The following RYR1 variants were observed in gnomAD, a reference collection of about 807,000 sequenced individuals.
RYR1 encodes the protein ryanodine receptor 1.
Under a neutral mutation model 583.5 loss-of-function variants are expected in RYR1, and 342 were observed. The ratio of observed to expected loss-of-function variants is 0.59; its 90% confidence interval spans 0.54 to 0.64. The LOEUF (loss-of-function observed/expected upper bound fraction) is 0.64, where lower values mean the gene tolerates loss of function less well. Ranked by LOEUF, RYR1 falls within the 30% of genes least tolerant of loss-of-function variation. The pLI, the probability that RYR1 is intolerant of heterozygous loss-of-function variation, is 0.00. For synonymous variants in RYR1, 2,791 were observed against 2,822.5 expected, an observed-to-expected ratio of 0.99 and a Z score of 0.35; for missense variants, 6,032 against 6,917.2, an observed-to-expected ratio of 0.87 and a Z score of 4.54.
intron 42 of RYR1, 115 bp downstream of exon 42, chr19:38,497,069 A>G: frequency 1.2e-6 from 1 of 830,762 alleles, no homozygotes; most frequent in South Asian, 1.4e-5. Context: ...TGGATGGTCC[A>G]GTGCCCAACC....
In RYR1 at chr19:38,475,245, G is replaced by C. The variant is rs988110681; in HGVS notation, c.4161-73G>C. On this transcript the variant is annotated intron_variant, in intron 28 of 105. Coordinates refer to ENST00000359596, the MANE Select transcript of RYR1 (RefSeq NM_000540.3). Reference sequence around the variant, plus strand: ...GCAGGGTGTATCCAAGCTGGATGTGGGGGCATGAATATTGCGGTGGGAGGG... The same window carrying C: ...GCAGGGTGTATCCAAGCTGGATGTGCGGGCATGAATATTGCGGTGGGAGGG... The C allele has an allele frequency of 1.7e-5, 26 of 1,543,208 alleles. No homozygotes were observed. In the Admixed American group the frequency reaches 3.1e-4, roughly 19 times the overall value.
At chr19:38,521,603 G>A (rs554443039) in intron 67 of RYR1, among the ~76,000 whole-genome samples, 96 of 151,332 alleles carry the variant, frequency 6.3e-4, no homozygotes, top group African/African-American at 2.3e-3. Flanking sequence ...GGCTGAGGCA[G>A]GAGAATCACT....
At chr19:38,553,694 A>G (rs1972762988) in intron 89 of RYR1, among the ~76,000 whole-genome samples, 1 of 152,148 alleles carries the variant, frequency 6.6e-6, no homozygotes, top group Non-Finnish European at 1.5e-5. Flanking sequence ...GCGTGAAGTG[A>G]GAAGTCTTAC....
At chr19:38,511,539 C>T (rs376474052) in intron 60 of RYR1, 22 bp from the exon 61 acceptor site, 1 of 1,613,528 alleles carries the variant, frequency 6.2e-7, no homozygotes, top group Non-Finnish European at 8.5e-7. Flanking sequence ...CTCCTGCCTT[C>T]TGTCCCTTTC....
At chr19:38,564,892 T>A (rs1973317113) in intron 90 of RYR1, 67 bp from the exon 91 acceptor site, 3 of 1,535,280 alleles carry the variant, frequency 2.0e-6, no homozygotes, top group Non-Finnish European at 2.6e-6. Flanking sequence ...TAGCTGCCAC[T>A]GCGCTGTCGC....
chr19:38,468,579 A>G (rs1359601988), intron 25 of RYR1, among the ~76,000 whole-genome samples: 1 of 152,108 alleles, frequency 6.6e-6, no homozygotes, highest in Non-Finnish European at 1.5e-5. Flanking sequence ...TTAGCCACTC[A>G]TCTATTTTGT....
chr19:38,580,440 G>A lies in RYR1; in HGVS notation c.14582G>A (p.Arg4861His), dbSNP rs63749869. ...ACCGTGGTGGCCTTCAACTTCTTCC[G>A]CAAGTTCTACAACAAGAGCGAGGAT... ...LYTVVAFNFF[R>H]KFYNKSEDED... Residue 4861 changes from arginine to histidine, a missense_variant, in exon 101 of 106, where the codon CGC becomes CAC. Arg to His is a conservative substitution (Grantham distance 29, BLOSUM62 0). Transcript: ENST00000359596. 1 of 1,614,106 alleles carries A rather than the reference G, an allele frequency of 6.2e-7. No individual in the cohort carries two copies. The highest frequency in any genetic ancestry group is 8.5e-7 in the Non-Finnish European group (1 of 1,180,004).
chr19:38,461,728 A>AG (rs1967757187), intron 20 of RYR1, among the ~76,000 whole-genome samples: 1 of 144,648 alleles, frequency 6.9e-6, no homozygotes, highest in Non-Finnish European at 1.5e-5. Context: ...CCTGAAAAAA[A>AG]AAAAAAAAAA....
At chr19:38,479,197 C>G (rs1365199686) in intron 31 of RYR1, among the ~76,000 whole-genome samples, 1 of 152,150 alleles carries the variant, frequency 6.6e-6, no homozygotes, top group Non-Finnish European at 1.5e-5. Context: ...TTTTCCTTTT[C>G]AACATTTTAT....
chr19:38,511,525 G>C (rs867876177), intron 60 of RYR1, 36 bp from the exon 61 acceptor site: 1 of 1,612,484 alleles, frequency 6.2e-7, no homozygotes, highest in South Asian at 1.1e-5. Context: ...CTCACTCGCT[G>C]TTTCTCCTGC....
rs771626182 is a variant in RYR1 at position 38,502,994 on chromosome 19, T to A, written c.7926+24T>A. 7 of 1,604,302 alleles carry A rather than the reference T, an allele frequency of 4.4e-6. No individual in the cohort carries two copies. In the South Asian group the frequency reaches 6.6e-5, roughly 15 times the overall value. ...AGGTGAGGGCAAGCGCTCTTTAGCA[T>A]CTCATTTCCAGGCCGCACCCACTGG... On this transcript the variant is annotated intron_variant, in intron 49 of 105. Transcript: ENST00000359596.
At position 38,458,017 on chromosome 19, in the gene RYR1, G is replaced by C. The variant is rs200361717; in HGVS notation, c.1926-34G>C. On this transcript the variant is annotated intron_variant, in intron 17 of 105. Coordinates refer to ENST00000359596, the MANE Select transcript of RYR1 (RefSeq NM_000540.3). ...ACTTGGCTCTCCTCTCTGCCTCTCC[G>C]TCATCCCCCTCTCCTGTCCCATCTC... is the stretch of plus-strand genomic sequence containing the variant. The C allele has an allele frequency of 4.3e-6, 7 of 1,610,108 alleles. No individual in the cohort carries two copies. In the East Asian group the frequency reaches 1.6e-4, roughly 36 times the overall value.
intron 88 of RYR1, among the ~76,000 whole-genome samples, chr19:38,547,289 G>C (rs758428235): frequency 3.3e-5 from 5 of 149,884 alleles, no homozygotes; most frequent in Non-Finnish European, 7.4e-5. Flanking sequence ...CTGACTTCGT[G>C]ATCCTCCCGC....
intron 20 of RYR1, among the ~76,000 whole-genome samples, chr19:38,461,046 A>T (rs1729338306): frequency 6.6e-6 from 1 of 152,100 alleles, no homozygotes; most frequent in African/African-American, 2.4e-5. Flanking sequence ...AATCCCAGCT[A>T]CTCGGGAGGC....
intron 19 of RYR1, among the ~76,000 whole-genome samples, chr19:38,459,936 T>C (rs1967635220): frequency 6.6e-6 from 1 of 152,150 alleles, no homozygotes; most frequent in South Asian, 2.1e-4. Flanking sequence ...TCCAGTCCTT[T>C]CCCAATCACC....
rs1292252892 is a variant in RYR1, at chr19:38,502,553, T to C, written c.7661T>C (p.Leu2554Pro). ...TEMALALNRY[L>P]CLAVLPLITK... ...ATGGCGCTGGCGCTGAACCGCTACC[T>C]GTGCCTGGCCGTGCTGCCGCTCATC... The change falls in exon 48 of 106, where the codon CTG (leucine) becomes CCG (proline). Residue 2554 changes from leucine (L) to proline (P), a missense_variant. Physicochemically the swap from Leu to Pro is moderately conservative, Grantham distance 98. This residue lies in a region of RYR1 where 250 missense variants were observed against 162.3 expected (regional missense o/e 1.54). Transcript: ENST00000359596. 6.2e-7 allele frequency: 1 copy of C among 1,611,230 alleles called. No homozygotes were observed. The highest frequency in any genetic ancestry group is 1.7e-5 in the Admixed American group (1 of 59,956).
rs1251260760 is a variant in RYR1, at chr19:38,496,446, G to A, written c.6701G>A (p.Arg2234His). ...RFPKMVTSCC[R>H]FLCYFCRISR... is the part of the protein sequence containing the mutation. ...CCCAAGATGGTGACAAGCTGCTGCC[G>A]CTTCCTCTGCTATTTCTGCCGAATC... The change falls in exon 41 of 106, where the codon CGC becomes CAC. Residue 2234 changes from arginine to histidine, a missense_variant. Physicochemically the swap from Arg to His is conservative, Grantham distance 29. Around this residue, in one of 11 missense-constraint regions of RYR1, gnomAD observed 2,627 missense variants for 2,961.3 expected, o/e 0.89. Transcript: ENST00000359596. This position sits in a 1 kb window ranked among gnomAD's most constrained non-coding sequence, Gnocchi z 4.8. 8.7e-6 allele frequency: 14 copies of A among 1,613,754 alleles called. No individual in the cohort carries two copies. The highest frequency in any genetic ancestry group is 4.5e-5 in the East Asian group (2 of 44,886).
chr19:38,519,452 C>T lies in RYR1; in HGVS notation c.10257C>T (p.Asn3419=). The change falls in exon 67 of 106, where the codon AAC becomes AAT. Residue 3419 remains asparagine (N), a splice_region_variant and synonymous_variant. Transcript: ENST00000359596. ...YPLLIRYVDN[N]RAQWLTEPNP... is the part of the protein sequence containing the mutation. ...TGCTCATCCGCTACGTGGACAACAA[C>T]AGGTCAGCGGGGCCCCGCTGTCCCC... is the stretch of plus-strand genomic sequence containing the variant. The T allele has an allele frequency of 2.5e-6, 4 of 1,592,802 alleles. No individual in the cohort carries two copies. Among genetic ancestry groups the T allele is most frequent in the Non-Finnish European group, 3.4e-6 (4 of 1,170,838 alleles).
intron 19 of RYR1, among the ~76,000 whole-genome samples, chr19:38,459,821 T>C (rs1354981018): frequency 6.6e-6 from 1 of 152,010 alleles, no homozygotes; most frequent in Non-Finnish European, 1.5e-5. Flanking sequence ...CTCTCAATAA[T>C]CTCTTAATAA....
Sources: allele counts gnomAD v4.1 joint callset (sites outside exome capture counted in the v4.1 genomes callset), GRCh38; gene constraint gnomAD v4.1.1; regional missense constraint gnomAD v4.1.1; non-coding constraint Gnocchi (gnomAD v3.1); transcripts MANE v1.5; gene names NCBI Gene and HGNC (gene_info 2026-07-23, HGNC 2026-07-21).